The following DNAH10 variants were observed in gnomAD, a reference collection of about 807,000 sequenced individuals.
The protein encoded by DNAH10 is dynein axonemal heavy chain 10, also known as axonemal beta dynein heavy chain 10.
A neutral mutation model predicts 506.6 loss-of-function variants in DNAH10; 348 were observed. That is an observed-to-expected ratio of 0.69 (90% CI 0.63 to 0.75). DNAH10 has a LOEUF of 0.75. Ranked by LOEUF, DNAH10 falls within the 30% of genes least tolerant of loss-of-function variation. DNAH10 has a pLI of 0.00. For missense variants in DNAH10, 5,179 were observed against 5,787.1 expected (o/e 0.89, Z 3.41); for synonymous variants, 2,059 against 2,198.6 (o/e 0.94, Z 1.78).
intron 62 of DNAH10, 143 bp downstream of exon 62, chr12:123,915,142 TCC>T (rs1954414520): frequency 1.4e-5 from 17 of 1,178,198 alleles, no homozygotes; most frequent in Non-Finnish European, 1.8e-5. Context: ...TGCGGAGCCC[TCC>T]CCCGGCTCCG....
chr12:123,782,029 C>T (rs956880110), intron 6 of DNAH10, among the ~76,000 whole-genome samples: 15 of 152,110 alleles, frequency 9.9e-5, no homozygotes, highest in African/African-American at 3.1e-4. Context: ...TATTTGTTTT[C>T]TCTTGCTGAA....
intron 43 of DNAH10, among the ~76,000 whole-genome samples, chr12:123,869,430 A>G (rs1951937823): frequency 6.6e-6 from 1 of 152,042 alleles, no homozygotes; most frequent in Admixed American, 6.5e-5. Context: ...AAGACCATGC[A>G]GCCACAAAGA....
In DNAH10 at chr12:123,783,258, A is replaced by G. The variant is rs769692814; in HGVS notation, c.993A>G (p.Thr331=). The change falls in exon 7 of 79, where the codon ACA becomes ACG. Residue 331 remains threonine (T), a synonymous_variant. Coordinates refer to ENST00000673944, the MANE Select transcript of DNAH10 (RefSeq NM_001372106.1). ...STAVEAQLKK[T]PQGKGPLAEI... Reference sequence around the variant, plus strand: ...CGGTTGAGGCCCAACTGAAGAAGACACCTCAGGTAGTTTGTGCAGGGCTTT... The same window carrying G: ...CGGTTGAGGCCCAACTGAAGAAGACGCCTCAGGTAGTTTGTGCAGGGCTTT... 1 of 1,613,744 alleles carries G rather than the reference A, an allele frequency of 6.2e-7. No individual in the cohort carries two copies. The highest frequency in any genetic ancestry group is 8.5e-7 in the Non-Finnish European group (1 of 1,179,972).
Position 123,918,828 on chromosome 12 carries a change from T to G in DNAH10, c.11385T>G (p.Ile3795Met), listed in dbSNP as rs1954602862. Residue 3795 changes from isoleucine to methionine, a missense_variant, in exon 65 of 79, where the codon ATT (isoleucine) becomes ATG (methionine). Coordinates refer to ENST00000673944, the MANE Select transcript of DNAH10 (RefSeq NM_001372106.1). ...LVNSMYQYSL[I>M]AFLEVFRLSL... ...ACTCCATGTACCAGTACTCCCTGAT[T>G]GCCTTCTTAGAGGTCTTCAGGCTGT... 6.2e-7 allele frequency: 1 copy of G among 1,613,998 alleles called. No individual in the cohort carries two copies. Among genetic ancestry groups the G allele is most frequent in the East Asian group, 2.2e-5 (1 of 44,876 alleles).
rs757498037 is a variant in DNAH10, at chr12:123,813,290, G to C, written c.3271G>C (p.Val1091Leu). The C allele has an allele frequency of 6.2e-7, 1 of 1,614,174 alleles. No individual in the cohort carries two copies. The highest frequency in any genetic ancestry group is 2.2e-5 in the East Asian group (1 of 44,884). Residue 1091 changes from valine to leucine, a missense_variant, in exon 20 of 79, where the codon GTT (valine) becomes CTT (leucine). By Grantham distance (32) the Val-to-Leu change is conservative. Coordinates refer to ENST00000673944, the MANE Select transcript of DNAH10 (RefSeq NM_001372106.1). ...SLNPQIIEQAVMIPQNVHRIL... is the reference protein window; with the variant it reads ...SLNPQIIEQALMIPQNVHRIL... Reference sequence around the variant, plus strand: ...GAACCCTCAGATAATTGAACAAGCTGTTATGATCCCCCAAAATGTCCACAG... The same window carrying C: ...GAACCCTCAGATAATTGAACAAGCTCTTATGATCCCCCAAAATGTCCACAG...
At chr12:123,766,684 G>A (rs67399282) in intron 1 of DNAH10, among the ~76,000 whole-genome samples, 54,838 of 152,018 alleles carry the variant, frequency 0.36, 12,190 homozygotes, top group African/African-American at 0.63. Flanking sequence ...TGTAACAAGT[G>A]TGGTCTTTTA....
At chr12:123,857,933 G>A (rs1174269819) in intron 37 of DNAH10, among the ~76,000 whole-genome samples, 4 of 152,130 alleles carry the variant, frequency 2.6e-5, no homozygotes, top group African/African-American at 9.7e-5. Flanking sequence ...ACTACTCTAG[G>A]TACCTCCTGT....
intron 55 of DNAH10, among the ~76,000 whole-genome samples, chr12:123,898,434 AGT>A (rs1292157317): frequency 6.6e-6 from 1 of 152,240 alleles, no homozygotes; most frequent in African/African-American, 2.4e-5. Flanking sequence ...CTTTTTAAAA[AGT>A]GCTCTGGCTG....
intron 57 of DNAH10, among the ~76,000 whole-genome samples, chr12:123,906,783 C>T (rs1279744666): frequency 6.6e-6 from 1 of 152,068 alleles, no homozygotes; most frequent in African/African-American, 2.4e-5. Context: ...CGCAATGAGC[C>T]GGCACTTACA....
chr12:123,783,986 A>G lies in DNAH10; in HGVS notation c.1039A>G (p.Arg347Gly). The change falls in exon 8 of 79, where the codon AGA becomes GGA. Residue 347 changes from arginine (R) to glycine (G), a missense_variant. Physicochemically the swap from Arg to Gly is moderately radical, Grantham distance 125 (BLOSUM62 -2). Transcript: ENST00000673944. ...PLAEIEFWRE[R>G]NATLSALHEQ... ...GGCTGAAATTGAATTCTGGAGGGAA[A>G]GAAATGCAACCTTAAGTGCGCTGCA... is the stretch of plus-strand genomic sequence containing the variant. 1 of 1,614,264 alleles carries G rather than the reference A, an allele frequency of 6.2e-7. No homozygotes were observed. The highest frequency in any genetic ancestry group is 1.3e-5 in the African/African-American group (1 of 75,068).
At chr12:123,808,077 G>A (rs1958780503) in intron 18 of DNAH10, among the ~76,000 whole-genome samples, 1 of 152,152 alleles carries the variant, frequency 6.6e-6, no homozygotes, top group Non-Finnish European at 1.5e-5. Flanking sequence ...CTGTCACCAA[G>A]GCTGGAGTGC....
rs778066489 is a variant in DNAH10 at position 123,865,941 on chromosome 12, A to C, written c.7045-10A>C. 8.8e-6 allele frequency: 14 copies of C among 1,595,798 alleles called. No individual in the cohort carries two copies. The highest frequency in any genetic ancestry group is 1.1e-5 in the Non-Finnish European group (13 of 1,174,070). On this transcript the variant is annotated splice_polypyrimidine_tract_variant and intron_variant, in intron 40 of 78. Coordinates refer to ENST00000673944, the MANE Select transcript of DNAH10 (RefSeq NM_001372106.1). ...GCTATAGCCATGATTGATTTTCTTTATTTATCCAGGTTGGAGATTTACAGT... is the reference window on the plus strand; with the variant it reads ...GCTATAGCCATGATTGATTTTCTTTCTTTATCCAGGTTGGAGATTTACAGT...
At chr12:123,774,071 A>AT in intron 4 of DNAH10, 78 bp from the exon 5 acceptor site, 2 of 897,786 alleles carry the variant, frequency 2.2e-6, no homozygotes, top group East Asian at 2.5e-5. Flanking sequence ...GAAGGAGAAG[A>AT]TTCCTGTTCT....
chr12:123,775,216 C>G (rs543605908), intron 5 of DNAH10, among the ~76,000 whole-genome samples: 22 of 152,284 alleles, frequency 1.4e-4, no homozygotes, highest in Non-Finnish European at 2.1e-4. Context: ...TCAAGTGATC[C>G]TTCTGCCTCA....
At chr12:123,893,678 A>C (rs539150442) in intron 53 of DNAH10, among the ~76,000 whole-genome samples, 2 of 152,052 alleles carry the variant, frequency 1.3e-5, no homozygotes, top group African/African-American at 4.8e-5. Context: ...CCCGCAGTGC[A>C]TGGACGGTGG....
chr12:123,840,229 C>T (rs573800442), intron 29 of DNAH10, among the ~76,000 whole-genome samples: 7 of 151,938 alleles, frequency 4.6e-5, no homozygotes, highest in African/African-American at 1.2e-4. Flanking sequence ...GAGTGTTGCA[C>T]GGTAATTCCT....
chr12:123,885,955 A>T (rs899167032), intron 51 of DNAH10, among the ~76,000 whole-genome samples: 1 of 152,192 alleles, frequency 6.6e-6, no homozygotes, highest in Non-Finnish European at 1.5e-5. Context: ...ATCACAGTTC[A>T]TTCAATGAAT....
chr12:123,765,104 C>G (rs539243195), intron 1 of DNAH10, among the ~76,000 whole-genome samples: 2 of 151,872 alleles, frequency 1.3e-5, no homozygotes, highest in Non-Finnish European at 2.9e-5. Flanking sequence ...CCCCCTTCCC[C>G]GGTCAAGATT....
intron 8 of DNAH10, 132 bp downstream of exon 8, chr12:123,784,309 G>A (rs1594013196): frequency 1.2e-6 from 1 of 861,186 alleles, no homozygotes; most frequent in Middle Eastern, 2.7e-4. Flanking sequence ...CACTTTGGGA[G>A]GCTGAGGTGG....
Sources: allele counts gnomAD v4.1 joint callset (sites outside exome capture counted in the v4.1 genomes callset), GRCh38; gene constraint gnomAD v4.1.1; transcripts MANE v1.5; gene names NCBI Gene and HGNC (gene_info 2026-07-23, HGNC 2026-07-21).